The following KLF8 variants were observed in gnomAD, a reference collection of about 807,000 sequenced individuals.
KLF8 encodes the protein Krueppel-like factor 8.
In KLF8, 10 loss-of-function variants were observed where a neutral mutation model predicts 18.2. That is an observed-to-expected ratio of 0.55 (90% CI 0.34 to 0.93). KLF8 has a LOEUF of 0.93. KLF8 is among the 40% of genes least tolerant of loss of function. The pLI is 0.02. For synonymous variants in KLF8, 109 were observed against 97.3 expected (o/e 1.12, Z -0.71); for missense variants, 264 against 277.9 (o/e 0.95, Z 0.36).
At chrX:55,983,150 A>G in the KLF8 span, among the ~76,000 whole-genome samples, 1 of 111,615 alleles carries the variant, frequency 9.0e-6, no homozygotes, top group African/African-American at 3.3e-5. Flanking sequence ...ATTAAAATCC[A>G]AATTCCTTAA....
intron 1 of KLF8, among the ~76,000 whole-genome samples, chrX:56,242,340 G>A (rs1181780445): frequency 8.9e-6 from 1 of 112,112 alleles, no homozygotes; most frequent in Non-Finnish European, 1.9e-5. Context: ...TCATACATAA[G>A]TTTGTTACTG....
chrX:55,934,861 T>C, the KLF8 span, among the ~76,000 whole-genome samples: 1 of 112,090 alleles, frequency 8.9e-6, no homozygotes, highest in Non-Finnish European at 1.9e-5. Context: ...GTTACTGGGA[T>C]ATTCCTGAGA....
the KLF8 span, among the ~76,000 whole-genome samples, chrX:56,018,606 A>C: frequency 9.0e-6 from 1 of 111,334 alleles, no homozygotes; most frequent in Non-Finnish European, 1.9e-5. Flanking sequence ...ACACATCAAT[A>C]TGTTTTATTA....
chrX:56,240,732 A>AG (rs2147575379), intron 1 of KLF8, among the ~76,000 whole-genome samples: 1 of 111,679 alleles, frequency 9.0e-6, no homozygotes, highest in East Asian at 2.8e-4. Context: ...AAGTACTTTA[A>AG]GGAAAAAAAA....
chrX:56,041,144 A>T, the KLF8 span, among the ~76,000 whole-genome samples: 1 of 108,111 alleles, frequency 9.2e-6, no homozygotes, highest in South Asian at 4.0e-4. Flanking sequence ...TCTTTTTTGG[A>T]GACTCTTTTC....
chrX:56,057,534 G>T, the KLF8 span, among the ~76,000 whole-genome samples: 1 of 111,639 alleles, frequency 9.0e-6, no homozygotes, highest in African/African-American at 3.3e-5. Context: ...GGCCATGGGG[G>T]CAGCACTGTT....
At chrX:55,945,064 A>C in the KLF8 span, among the ~76,000 whole-genome samples, 2 of 111,493 alleles carry the variant, frequency 1.8e-5, no homozygotes, top group African/African-American at 6.5e-5. Context: ...GAACATCTTT[A>C]TCTCTGCCTT....
At chrX:56,137,066 C>T in the KLF8 span, among the ~76,000 whole-genome samples, 1 of 110,873 alleles carries the variant, frequency 9.0e-6, no homozygotes, top group African/African-American at 3.3e-5. Context: ...TACCATCTCA[C>T]ACCAGTTAGA....
chrX:56,082,227 A>T, the KLF8 span, among the ~76,000 whole-genome samples: 1 of 111,610 alleles, frequency 9.0e-6, no homozygotes, highest in Non-Finnish European at 1.9e-5. Flanking sequence ...TACCTTAACC[A>T]CTTCGTTGGT....
chrX:56,009,818 A>C, the KLF8 span, among the ~76,000 whole-genome samples: 13 of 112,504 alleles, frequency 1.2e-4, no homozygotes, highest in Non-Finnish European at 2.4e-4. Context: ...ATGCAACCAC[A>C]AATATCAATA....
At chrX:56,169,935 G>C in the KLF8 span, among the ~76,000 whole-genome samples, 3 of 111,423 alleles carry the variant, frequency 2.7e-5, no homozygotes, top group Admixed American at 9.6e-5. Context: ...TCTCAGTGGT[G>C]GTGACCACTG....
chrX:56,216,562 A>T, the KLF8 span, among the ~76,000 whole-genome samples: 2 of 91,398 alleles, frequency 2.2e-5, no homozygotes, highest in East Asian at 6.9e-4. Context: ...TTATTTTAGC[A>T]ACATCGTCTT....
At chrX:56,217,859 C>T in the KLF8 span, among the ~76,000 whole-genome samples, 1 of 111,681 alleles carries the variant, frequency 9.0e-6, no homozygotes, top group African/African-American at 3.3e-5. Context: ...AAAGTAAGGG[C>T]ACTACCCTGA....
the KLF8 span, among the ~76,000 whole-genome samples, chrX:55,951,879 C>T: frequency 9.0e-6 from 1 of 111,435 alleles, no homozygotes; most frequent in Non-Finnish European, 1.9e-5. Context: ...ACTTTGGACA[C>T]TGGGATTGTT....
the KLF8 span, among the ~76,000 whole-genome samples, chrX:56,214,579 T>G: frequency 1.8e-5 from 2 of 112,112 alleles, no homozygotes; most frequent in Non-Finnish European, 3.8e-5. Flanking sequence ...GGTATCCTTA[T>G]GAAAAGGGGA....
At chrX:55,945,786 C>G in the KLF8 span, among the ~76,000 whole-genome samples, 24 of 110,752 alleles carry the variant, frequency 2.2e-4, 2 homozygotes, top group African/African-American at 8.1e-4. Context: ...ACAACTTCAG[C>G]AAAGTCTCAG....
At chrX:56,071,881 A>G in the KLF8 span, among the ~76,000 whole-genome samples, 1 of 111,975 alleles carries the variant, frequency 8.9e-6, no homozygotes, top group Non-Finnish European at 1.9e-5. Context: ...AGTATGTATT[A>G]TTCTGTCATT....
chrX:56,256,641 C>A (rs1172857931), intron 2 of KLF8, among the ~76,000 whole-genome samples: 1 of 111,589 alleles, frequency 9.0e-6, no homozygotes, highest in African/African-American at 3.3e-5. Flanking sequence ...AGAAATTTTT[C>A]AATTTTCTTC....
the KLF8 span, among the ~76,000 whole-genome samples, chrX:56,189,009 A>C: frequency 1.8e-5 from 2 of 111,725 alleles, no homozygotes; most frequent in Non-Finnish European, 3.8e-5. Flanking sequence ...CAAAAGCAAA[A>C]ATTGACAAAT....
Sources: allele counts gnomAD v4.1 joint callset (sites outside exome capture counted in the v4.1 genomes callset), GRCh38; gene constraint gnomAD v4.1.1; transcripts MANE v1.5; gene names NCBI Gene and HGNC (gene_info 2026-07-23, HGNC 2026-07-21).